Variants in GABRB3 observed in about 807,000 individuals in gnomAD.
GABRB3 encodes the protein gamma-aminobutyric acid receptor subunit beta-3.
In GABRB3, 14 loss-of-function variants were observed where a neutral mutation model predicts 52.1. The ratio of observed to expected loss-of-function variants is 0.27; its 90% CI spans 0.18 to 0.42. GABRB3 has a LOEUF of 0.42. Among genes scored for constraint, GABRB3 ranks in the 10% least tolerant of loss-of-function variants. GABRB3 has a pLI of 1.00. For missense variants in GABRB3, 307 were observed against 609.1 expected (o/e 0.50, Z 5.22); for synonymous variants, 260 against 232.3 (o/e 1.12, Z -1.08).
Position 26,605,948 on chromosome 15 carries a change from T to A in GABRB3, c.461+15366A>T, listed in dbSNP as rs530309211. ...CAGGAAACATACAACACAGCGGAAG[T>A]CGAATACGAAGGAGGCACGTCTTAC... is the stretch of plus-strand genomic sequence containing the variant. On this transcript the variant is annotated intron_variant, in intron 4 of 8. Coordinates refer to ENST00000311550, the MANE Select transcript of GABRB3 (RefSeq NM_000814.6). 7.2e-5 allele frequency among the ~76,000 whole-genome samples: 11 copies of A among 152,082 alleles called. No individual in the cohort carries two copies. In the South Asian group the frequency reaches 2.3e-3, roughly 32 times the overall value.
chr15:26,679,129 A>G (rs1273352390), intron 3 of GABRB3, among the ~76,000 whole-genome samples: 1 of 152,166 alleles, frequency 6.6e-6, no homozygotes, highest in Non-Finnish European at 1.5e-5. Flanking sequence ...CTTCAGTCAT[A>G]CCTTATGGGA....
intron 3 of GABRB3, among the ~76,000 whole-genome samples, chr15:26,681,904 G>A (rs1336601077): frequency 6.6e-6 from 1 of 152,122 alleles, no homozygotes; most frequent in Non-Finnish European, 1.5e-5. Flanking sequence ...GATGCAGTGA[G>A]CTATGACTGA....
chr15:26,749,713 C>T (rs1419051470), intron 3 of GABRB3, among the ~76,000 whole-genome samples: 2 of 152,110 alleles, frequency 1.3e-5, no homozygotes, highest in African/African-American at 2.4e-5. Flanking sequence ...GTTTTTTGTG[C>T]TCTTAGACCA....
rs148350214 is a variant in GABRB3, at chr15:26,759,222, A to G, written c.240+13180T>C. Among the ~76,000 whole-genome samples the G allele has an allele frequency of 4.0e-3, 602 of 151,916 alleles. 1 individual carries two copies. The highest frequency in any genetic ancestry group is 4.3e-3 in the Non-Finnish European group (295 of 68,014). ...TTATGTATATAAAATTTTTTCATTAATAAGACTAGGAATAAAAAAAAATAG... is the reference window on the plus strand; with the variant it reads ...TTATGTATATAAAATTTTTTCATTAGTAAGACTAGGAATAAAAAAAAATAG... On this transcript the variant is annotated intron_variant, in intron 3 of 8. Transcript: ENST00000311550.
chr15:26,670,939 A>C (rs1174015082), intron 3 of GABRB3, among the ~76,000 whole-genome samples: 1 of 152,094 alleles, frequency 6.6e-6, no homozygotes, highest in Non-Finnish European at 1.5e-5. Flanking sequence ...GCTCAGTTGG[A>C]GTGCAGTGGC....
chr15:26,730,723 G>A (rs10519566), intron 3 of GABRB3, among the ~76,000 whole-genome samples: 100,936 of 152,104 alleles, frequency 0.66, 33,794 homozygotes, highest in East Asian at 0.89. Flanking sequence ...AGAGAAGATA[G>A]GAACGAAAGT....
chr15:26,755,639 ATAGAAATTGATTC>A (rs1200302750), intron 3 of GABRB3, among the ~76,000 whole-genome samples: 1 of 152,198 alleles, frequency 6.6e-6, no homozygotes, highest in Non-Finnish European at 1.5e-5. Flanking sequence ...CCATTTACTA[ATAGAAATTGATTC>A]TAGAAGTATA....
chr15:26,607,828 A>T (rs941645892), intron 4 of GABRB3, among the ~76,000 whole-genome samples: 1 of 152,114 alleles, frequency 6.6e-6, no homozygotes, highest in African/African-American at 2.4e-5. Context: ...AATAAATAAA[A>T]AAAGATACAA....
In GABRB3 at chr15:26,607,464, A is replaced by G. The variant is rs140266917; in HGVS notation, c.461+13850T>C. 4.9e-3 allele frequency among the ~76,000 whole-genome samples: 738 copies of G among 152,146 alleles called. 7 individuals carry two copies. The highest frequency in any genetic ancestry group is 0.017 in the African/African-American group (713 of 41,522). On this transcript the variant is annotated intron_variant, in intron 4 of 8. Transcript: ENST00000311550. ...GCACACACCTTTAGTGACAGCTACT[A>G]TGGAGCCTGAGGTGGGCAGATCCTG...
At chr15:26,655,791 T>C (rs1887354783) in intron 3 of GABRB3, among the ~76,000 whole-genome samples, 2 of 151,516 alleles carry the variant, frequency 1.3e-5, no homozygotes, top group South Asian at 4.2e-4. Context: ...TACTTGTACC[T>C]GTTGGTGCCT....
At chr15:26,738,641 T>C (rs866501308) in intron 3 of GABRB3, among the ~76,000 whole-genome samples, 38 of 152,236 alleles carry the variant, frequency 2.5e-4, no homozygotes, top group Admixed American at 9.2e-4. Flanking sequence ...CCCTTCTTTG[T>C]ACTTATCTTC....
At chr15:26,734,638 CAAA>C (rs527622047) in intron 3 of GABRB3, among the ~76,000 whole-genome samples, 9 of 96,278 alleles carry the variant, frequency 9.3e-5, no homozygotes, top group Admixed American at 1.1e-4. Context: ...GGGTGAGTCT[CAAA>C]AAAAAAAAAA....
intron 4 of GABRB3, among the ~76,000 whole-genome samples, chr15:26,616,359 G>A (rs1595485253): frequency 6.6e-6 from 1 of 152,278 alleles, no homozygotes; most frequent in South Asian, 2.1e-4. Flanking sequence ...TTGTCCAGTA[G>A]TTCAAATCAA....
intron 3 of GABRB3, among the ~76,000 whole-genome samples, chr15:26,770,692 T>C (rs1891120887): frequency 6.6e-6 from 1 of 152,260 alleles, no homozygotes; most frequent in South Asian, 2.1e-4. Context: ...TCCTCTGACA[T>C]AATTATTTTT....
At chr15:26,705,197 T>C (rs911496866) in intron 3 of GABRB3, among the ~76,000 whole-genome samples, 15 of 152,200 alleles carry the variant, frequency 9.9e-5, no homozygotes, top group African/African-American at 3.1e-4. Flanking sequence ...GCATAATCTG[T>C]TAAGGGCTTT....
chr15:26,773,572 G>A, upstream of GABRB3: 5 of 1,259,642 alleles, frequency 4.0e-6, no homozygotes, highest in South Asian at 5.2e-5. Context: ...CGGGTGCCGC[G>A]CCTCTGCCCG....
chr15:26,595,065 G>C (rs1319934004), intron 4 of GABRB3, among the ~76,000 whole-genome samples: 4 of 152,138 alleles, frequency 2.6e-5, no homozygotes, highest in South Asian at 4.2e-4. Flanking sequence ...GGCTGCTTTT[G>C]CATGACCTAA....
At chr15:26,561,486 T>C (rs140306233) in intron 7 of GABRB3, among the ~76,000 whole-genome samples, 2 of 130,744 alleles carry the variant, frequency 1.5e-5, no homozygotes, top group African/African-American at 5.9e-5. Context: ...GAAGAAGAGA[T>C]ATGTAGAGCA....
chr15:26,704,329 C>G (rs1595540291), intron 3 of GABRB3, among the ~76,000 whole-genome samples: 1 of 152,198 alleles, frequency 6.6e-6, no homozygotes, highest in Admixed American at 6.5e-5. Flanking sequence ...ATTCTGCCAT[C>G]AAGGTTGTAG....
Sources: allele counts gnomAD v4.1 joint callset (sites outside exome capture counted in the v4.1 genomes callset), GRCh38; gene constraint gnomAD v4.1.1; transcripts MANE v1.5; gene names NCBI Gene and HGNC (gene_info 2026-07-23, HGNC 2026-07-21).